The following ASIC2 variants were observed in gnomAD, a reference collection of about 807,000 sequenced individuals.
ASIC2 encodes the protein acid-sensing ion channel 2.
In ASIC2, 25 loss-of-function variants were observed where a neutral mutation model predicts 57.3. The ratio of observed to expected loss-of-function variants is 0.44; its 90% CI spans 0.32 to 0.61. The LOEUF is 0.61. ASIC2 is among the 20% of genes least tolerant of loss of function. The pLI is 0.06. For missense variants in ASIC2, 641 were observed against 738.1 expected (o/e 0.87, Z 1.52); for synonymous variants, 319 against 307.5 (o/e 1.04, Z -0.39).
At chr17:33,887,052 T>C (rs1268767245) in intron 1 of ASIC2, among the ~76,000 whole-genome samples, 3 of 152,282 alleles carry the variant, frequency 2.0e-5, no homozygotes, top group South Asian at 2.1e-4. Flanking sequence ...GAAAACCTCA[T>C]CAAGTTAATT....
chr17:33,780,249 G>T (rs1435547919), intron 1 of ASIC2, among the ~76,000 whole-genome samples: 2 of 152,084 alleles, frequency 1.3e-5, no homozygotes, highest in African/African-American at 2.4e-5. Flanking sequence ...GGGATTACAG[G>T]GGTCAGCCAC....
intron 1 of ASIC2, chr17:33,834,265 C>G (rs1339534286): frequency 6.6e-6 from 1 of 152,280 alleles, no homozygotes; most frequent in East Asian, 1.9e-4. Context: ...AACTTCATAG[C>G]AGAGCCAGGG....
chr17:33,452,547 A>C (rs917873459), intron 1 of ASIC2, among the ~76,000 whole-genome samples: 1 of 152,172 alleles, frequency 6.6e-6, no homozygotes, highest in Admixed American at 6.5e-5. Flanking sequence ...GTGGGTAGAC[A>C]GTCACTGTTT....
intron 3 of ASIC2, among the ~76,000 whole-genome samples, chr17:33,059,643 A>T (rs1181104830): frequency 6.6e-6 from 1 of 152,212 alleles, no homozygotes; most frequent in Non-Finnish European, 1.5e-5. Context: ...TCTTTATAGC[A>T]GCATGATTTA....
intron 1 of ASIC2, among the ~76,000 whole-genome samples, chr17:33,829,510 G>A (rs1015800990): frequency 2.0e-5 from 3 of 152,148 alleles, no homozygotes; most frequent in Admixed American, 2.0e-4. Context: ...AGACTCCCTG[G>A]GGTTTTTGGG....
chr17:33,398,332 C>G (rs970606382), intron 1 of ASIC2, among the ~76,000 whole-genome samples: 1 of 152,078 alleles, frequency 6.6e-6, no homozygotes, highest in Non-Finnish European at 1.5e-5. Flanking sequence ...TAAAAGAGCA[C>G]GGGTTAACAC....
chr17:33,742,928 G>A (rs775991225), intron 1 of ASIC2, among the ~76,000 whole-genome samples: 17 of 152,210 alleles, frequency 1.1e-4, no homozygotes, highest in Non-Finnish European at 2.2e-4. Context: ...TTCCCCAGCA[G>A]CCTTCTGATG....
chr17:33,640,485 C>T (rs984279984), intron 1 of ASIC2, among the ~76,000 whole-genome samples: 1 of 152,218 alleles, frequency 6.6e-6, no homozygotes, highest in Non-Finnish European at 1.5e-5. Context: ...GCCAATCTCA[C>T]AGAGAGAGCA....
intron 1 of ASIC2, chr17:34,155,867 T>C: frequency 2.3e-6 from 3 of 1,282,242 alleles, no homozygotes; most frequent in Non-Finnish European, 2.1e-6. Flanking sequence ...GGTGAGGCAC[T>C]GCTCTCTCTC....
intron 1 of ASIC2, among the ~76,000 whole-genome samples, chr17:33,302,492 C>G (rs927495076): frequency 2.6e-5 from 4 of 152,182 alleles, no homozygotes; most frequent in African/African-American, 9.6e-5. Flanking sequence ...GTCTTGCATA[C>G]AGGCCCTCTG....
chr17:33,345,456 G>A (rs921231873), intron 1 of ASIC2, among the ~76,000 whole-genome samples: 3 of 152,194 alleles, frequency 2.0e-5, no homozygotes, highest in Non-Finnish European at 4.4e-5. Flanking sequence ...TCTTCTTGGA[G>A]GCTGGGCTCC....
At chr17:33,857,624 C>T (rs116986218) in intron 1 of ASIC2, among the ~76,000 whole-genome samples, 2,619 of 152,278 alleles carry the variant, frequency 0.017, 29 homozygotes, top group Non-Finnish European at 0.025. Flanking sequence ...CAGATGCAAA[C>T]GTCAAAGCTC....
intron 3 of ASIC2, chr17:33,052,450 C>T: frequency 6.6e-6 from 1 of 152,212 alleles, no homozygotes; most frequent in East Asian, 1.9e-4. Context: ...TGACAACTGC[C>T]TTAGAGCCTC....
intron 1 of ASIC2, among the ~76,000 whole-genome samples, chr17:33,196,300 C>T (rs987689658): frequency 2.0e-5 from 3 of 149,184 alleles, no homozygotes; most frequent in South Asian, 2.1e-4. Flanking sequence ...TAAAAGTACA[C>T]GAGACGATGA....
intron 1 of ASIC2, among the ~76,000 whole-genome samples, chr17:33,781,637 C>G (rs1005181185): frequency 6.6e-6 from 1 of 152,138 alleles, no homozygotes; most frequent in African/African-American, 2.4e-5. Flanking sequence ...AGCCCTGCTC[C>G]ACATAGAATT....
At chr17:33,641,242 C>T (rs570262714) in intron 1 of ASIC2, among the ~76,000 whole-genome samples, 27 of 152,254 alleles carry the variant, frequency 1.8e-4, no homozygotes, top group African/African-American at 6.0e-4. Flanking sequence ...TTGCCCAGCA[C>T]GTGGCTATAG....
chr17:33,385,020 A>C (rs1909623274), intron 1 of ASIC2, among the ~76,000 whole-genome samples: 1 of 152,222 alleles, frequency 6.6e-6, no homozygotes, highest in South Asian at 2.1e-4. Context: ...CTCCTTTATT[A>C]GCTGCATGGG....
At chr17:33,021,577 T>A (rs2091835688) in intron 6 of ASIC2, among the ~76,000 whole-genome samples, 1 of 152,212 alleles carries the variant, frequency 6.6e-6, no homozygotes, top group Non-Finnish European at 1.5e-5. Context: ...TATGCAGGAG[T>A]CCTGCCTGGC....
At chr17:33,919,180 G>T (rs918071844) in intron 1 of ASIC2, among the ~76,000 whole-genome samples, 1 of 152,110 alleles carries the variant, frequency 6.6e-6, no homozygotes, top group African/African-American at 2.4e-5. Flanking sequence ...TCCTTCCAGG[G>T]TTACAAACAA....
Sources: allele counts gnomAD v4.1 joint callset (sites outside exome capture counted in the v4.1 genomes callset), GRCh38; gene constraint gnomAD v4.1.1; transcripts MANE v1.5; gene names NCBI Gene and HGNC (gene_info 2026-07-23, HGNC 2026-07-21).